Variants in MEIKIN observed in about 807,000 individuals in gnomAD.
MEIKIN encodes the protein meiosis-specific kinetochore protein.
chr5:131,878,293 C>A (rs755218826), intron 9 of MEIKIN, among the ~76,000 whole-genome samples: 1 of 152,130 alleles, frequency 6.6e-6, no homozygotes, highest in South Asian at 2.1e-4. Flanking sequence ...GTTGGCTGGG[C>A]GCGGTGGCTC....
chr5:131,940,131 C>A (rs1255495917), intron 4 of MEIKIN, among the ~76,000 whole-genome samples: 1 of 152,080 alleles, frequency 6.6e-6, no homozygotes, highest in African/African-American at 2.4e-5. Context: ...ATATAGAGTG[C>A]CACAGAACTA....
At chr5:131,852,410 T>C (rs1161757007) in intron 10 of MEIKIN, among the ~76,000 whole-genome samples, 6 of 152,164 alleles carry the variant, frequency 3.9e-5, no homozygotes, top group Admixed American at 1.3e-4. Flanking sequence ...ATTGAACCTC[T>C]TTTCTTTATA....
chr5:131,866,812 GT>G (rs1280206390), intron 9 of MEIKIN, among the ~76,000 whole-genome samples: 4 of 152,044 alleles, frequency 2.6e-5, no homozygotes, highest in Non-Finnish European at 5.9e-5. Context: ...GGATGGGGAA[GT>G]TTTTTTATTG....
At chr5:131,857,539 C>A (rs552214904) in intron 9 of MEIKIN, among the ~76,000 whole-genome samples, 53 of 152,322 alleles carry the variant, frequency 3.5e-4, no homozygotes, top group Admixed American at 7.8e-4. Flanking sequence ...CCCAGCATGG[C>A]ATGCCCGCTT....
intron 4 of MEIKIN, among the ~76,000 whole-genome samples, chr5:131,939,412 T>C (rs1024385240): frequency 6.6e-6 from 1 of 152,104 alleles, no homozygotes; most frequent in African/African-American, 2.4e-5. Flanking sequence ...TTATAATTCA[T>C]TAATCTACCT....
At chr5:131,890,445 A>G (rs1354967971) in intron 8 of MEIKIN, among the ~76,000 whole-genome samples, 1 of 151,782 alleles carries the variant, frequency 6.6e-6, no homozygotes, top group Non-Finnish European at 1.5e-5. Context: ...CGAGGAACTT[A>G]TCCATTTATG....
intron 6 of MEIKIN, among the ~76,000 whole-genome samples, chr5:131,921,280 G>C (rs1418314016): frequency 6.6e-6 from 1 of 152,214 alleles, no homozygotes; most frequent in Non-Finnish European, 1.5e-5. Context: ...GGAAGGCCAA[G>C]GTAGAAGAAT....
chr5:131,888,087 A>G (rs1305278731), intron 8 of MEIKIN, among the ~76,000 whole-genome samples: 1 of 144,704 alleles, frequency 6.9e-6, no homozygotes, highest in East Asian at 2.0e-4. Context: ...TATGCGCCAC[A>G]TTTTCTTAAT....
intron 9 of MEIKIN, among the ~76,000 whole-genome samples, chr5:131,873,257 T>C (rs909914056): frequency 4.6e-5 from 7 of 152,058 alleles, no homozygotes; most frequent in African/African-American, 1.7e-4. Flanking sequence ...GAAACCCATC[T>C]CACATGCAGA....
intron 12 of MEIKIN, among the ~76,000 whole-genome samples, chr5:131,809,383 T>C (rs1772910064): frequency 6.6e-6 from 1 of 152,228 alleles, no homozygotes. Flanking sequence ...TTATTTTCAC[T>C]AGAACAATGG....
chr5:131,826,269 T>C (rs1749607314), intron 11 of MEIKIN, among the ~76,000 whole-genome samples: 2 of 151,930 alleles, frequency 1.3e-5, no homozygotes, highest in South Asian at 4.1e-4. Flanking sequence ...TCTGAGACGG[T>C]TGTCCTAAGA....
At chr5:131,858,649 C>T (rs934563709) in intron 9 of MEIKIN, among the ~76,000 whole-genome samples, 2 of 152,128 alleles carry the variant, frequency 1.3e-5, no homozygotes, top group South Asian at 2.1e-4. Flanking sequence ...AACAGACAAC[C>T]TACAAAATGG....
intron 9 of MEIKIN, among the ~76,000 whole-genome samples, chr5:131,862,287 T>G (rs1429749794): frequency 6.6e-6 from 1 of 152,178 alleles, no homozygotes; most frequent in African/African-American, 2.4e-5. Context: ...GTATCAGTAG[T>G]AACGTCTCCT....
At chr5:131,842,599 A>AT (rs546390421) in intron 11 of MEIKIN, among the ~76,000 whole-genome samples, 52 of 141,540 alleles carry the variant, frequency 3.7e-4, no homozygotes, top group Middle Eastern at 3.5e-3. Flanking sequence ...TGATTTGTTG[A>AT]TTTTTTTTTG....
chr5:131,940,208 G>C (rs937083405), intron 4 of MEIKIN, among the ~76,000 whole-genome samples: 2 of 152,164 alleles, frequency 1.3e-5, no homozygotes, highest in African/African-American at 4.8e-5. Context: ...AATAGCTGCT[G>C]AATTTATTTT....
intron 12 of MEIKIN, among the ~76,000 whole-genome samples, chr5:131,814,435 A>G (rs1773064789): frequency 2.0e-5 from 3 of 151,796 alleles, no homozygotes; most frequent in Middle Eastern, 3.4e-3. Flanking sequence ...GCACCACCAC[A>G]CCTGGCTAAT....
intron 8 of MEIKIN, among the ~76,000 whole-genome samples, chr5:131,894,838 T>C (rs1751006242): frequency 6.6e-6 from 1 of 152,228 alleles, no homozygotes; most frequent in African/African-American, 2.4e-5. Flanking sequence ...AATCATGTCA[T>C]CTGCAAACAG....
At chr5:131,867,088 T>C (rs142539762) in intron 9 of MEIKIN, among the ~76,000 whole-genome samples, 3 of 152,358 alleles carry the variant, frequency 2.0e-5, no homozygotes, top group Middle Eastern at 3.4e-3. Flanking sequence ...TCACTTTCCA[T>C]GGTCTTCAAC....
At chr5:131,824,277 G>A (rs997669716) in intron 11 of MEIKIN, among the ~76,000 whole-genome samples, 1 of 152,072 alleles carries the variant, frequency 6.6e-6, no homozygotes, top group Non-Finnish European at 1.5e-5. Flanking sequence ...CACTTTGGGA[G>A]GCCAAAGTGG....
Sources: allele counts gnomAD v4.1 joint callset (sites outside exome capture counted in the v4.1 genomes callset), GRCh38; gene constraint gnomAD v4.1.1; transcripts MANE v1.5; gene names NCBI Gene and HGNC (gene_info 2026-07-23, HGNC 2026-07-21).